TNRC6B: variants seen among roughly 807,000 people sequenced by gnomAD.
TNRC6B encodes trinucleotide repeat-containing gene 6B protein.
A neutral mutation model predicts 203.6 loss-of-function variants in TNRC6B; 52 were observed. The observed-to-expected ratio is 0.26, with a 90% CI of 0.20 to 0.32. TNRC6B has a LOEUF of 0.32. TNRC6B is among the 10% of genes least tolerant of loss of function. TNRC6B has a pLI of 1.00. For synonymous variants in TNRC6B, 838 were observed against 845.7 expected (o/e 0.99, Z 0.16); for missense variants, 1,923 against 2,286.2 (o/e 0.84, Z 3.24).
At chr22:40,220,977 C>G (rs2069699760) in intron 1 of TNRC6B, among the ~76,000 whole-genome samples, 1 of 152,196 alleles carries the variant, frequency 6.6e-6, no homozygotes, top group Non-Finnish European at 1.5e-5. Context: ...CAAAGCCCCG[C>G]CTCACATGCC....
At chr22:40,214,906 T>C (rs1019463255) in intron 1 of TNRC6B, among the ~76,000 whole-genome samples, 1 of 152,186 alleles carries the variant, frequency 6.6e-6, no homozygotes, top group Non-Finnish European at 1.5e-5. Flanking sequence ...CTCAAAAAGT[T>C]AAAAGCAAAC....
chr22:40,310,633 A>G (rs1212715241), intron 16 of TNRC6B, among the ~76,000 whole-genome samples, 184 bp from the exon 17 acceptor site: 1 of 152,146 alleles, frequency 6.6e-6, no homozygotes, highest in East Asian at 1.9e-4. Flanking sequence ...AGGCGAAATG[A>G]CTTGTTGTTG....
At chr22:40,165,329 AC>A (rs1342946724) in intron 4 of TNRC6B, among the ~76,000 whole-genome samples, 2 of 151,616 alleles carry the variant, frequency 1.3e-5, no homozygotes, top group African/African-American at 2.4e-5. Flanking sequence ...GGCACGCACT[AC>A]CATGCCTGGC....
At chr22:40,166,126 A>G (rs2068917214) in intron 4 of TNRC6B, among the ~76,000 whole-genome samples, 1 of 152,156 alleles carries the variant, frequency 6.6e-6, no homozygotes, top group African/African-American at 2.4e-5. Context: ...AAGGTCTTCC[A>G]TGCAAGTCTG....
At chr22:40,163,737 G>A (rs533311499) in intron 4 of TNRC6B, among the ~76,000 whole-genome samples, 1 of 151,900 alleles carries the variant, frequency 6.6e-6, no homozygotes, top group South Asian at 2.1e-4. Flanking sequence ...ATCCAGCCTG[G>A]GCAACAAGAG....
intron 1 of TNRC6B, among the ~76,000 whole-genome samples, chr22:40,078,188 C>T (rs1199942799): frequency 6.6e-6 from 1 of 152,172 alleles, no homozygotes; most frequent in Non-Finnish European, 1.5e-5. Context: ...TACTGTACTA[C>T]TGGAAGACTT....
chr22:40,294,585 G>T (rs1320830092), intron 12 of TNRC6B, among the ~76,000 whole-genome samples: 1 of 152,206 alleles, frequency 6.6e-6, no homozygotes, highest in East Asian at 1.9e-4. Context: ...ACCAAATACA[G>T]TCGCTAACTG....
In TNRC6B at chr22:40,270,115, T is replaced by C. The variant is rs753115494; in HGVS notation, c.2807-7T>C. 9 of 1,578,698 alleles carry C rather than the reference T, an allele frequency of 5.7e-6. No individual in the cohort carries two copies. The highest frequency in any genetic ancestry group is 7.7e-6 in the Non-Finnish European group (9 of 1,161,384). ...ATGATTCTTAGAGACATTTCCTTTC[T>C]TTATAGTCTGGAGCAAAAGCACACC... is the stretch of plus-strand genomic sequence containing the variant. On this transcript the variant is annotated splice_polypyrimidine_tract_variant and splice_region_variant and intron_variant, in intron 5 of 22. Transcript: ENST00000454349.
chr22:40,280,458 T>A (rs1175468912), intron 10 of TNRC6B, among the ~76,000 whole-genome samples: 1 of 152,258 alleles, frequency 6.6e-6, no homozygotes, highest in Non-Finnish European at 1.5e-5. Flanking sequence ...CAAAATAAAT[T>A]TTGGGATTTT....
chr22:40,316,804 A>G (rs2071265725), intron 21 of TNRC6B, among the ~76,000 whole-genome samples: 1 of 152,180 alleles, frequency 6.6e-6, no homozygotes, highest in African/African-American at 2.4e-5. Flanking sequence ...TGCCTTCAAG[A>G]TGATGATAAC....
intron 1 of TNRC6B, among the ~76,000 whole-genome samples, chr22:40,223,927 G>A (rs1416649131): frequency 6.6e-6 from 1 of 152,140 alleles, no homozygotes; most frequent in African/African-American, 2.4e-5. Context: ...TTGGACACAA[G>A]GTAACTGTGT....
chr22:40,313,037 T>G, intron 19 of TNRC6B, 40 bp downstream of exon 19: 1 of 1,504,134 alleles, frequency 6.6e-7, no homozygotes, highest in Non-Finnish European at 9.2e-7. Flanking sequence ...GGTTAGCACT[T>G]TTTCATCAGG....
chr22:40,060,914 T>C (rs1239915863), intron 1 of TNRC6B, among the ~76,000 whole-genome samples: 1 of 152,156 alleles, frequency 6.6e-6, no homozygotes, highest in East Asian at 1.9e-4. Context: ...AAAACAGGTG[T>C]TCTGCATGAA....
At chr22:40,049,656 T>A (rs1426597335) in intron 1 of TNRC6B, among the ~76,000 whole-genome samples, 2 of 151,978 alleles carry the variant, frequency 1.3e-5, no homozygotes, top group Non-Finnish European at 2.9e-5. Context: ...CAGGCTAGAG[T>A]GCAGTGGTGT....
At position 40,285,604 on chromosome 22, in the gene TNRC6B, TATGTTAACAAAAAGCCTTACTG is replaced by T; in HGVS notation, c.3583-40_3583-19del. 6.3e-7 allele frequency: 1 copy of T among 1,594,668 alleles called. No homozygotes were observed. Among genetic ancestry groups the T allele is most frequent in the Admixed American group, 1.8e-5 (1 of 54,572 alleles). ...GAACTGTTTCTTACTTGCATTTTCT[TATGTTAACAAAAAGCCTTACTG>T]CTGCTTTTCTGTTTACAGGGCGGTA... On this transcript the variant is annotated intron_variant, in intron 11 of 22. Coordinates refer to ENST00000454349, the MANE Select transcript of TNRC6B (RefSeq NM_001162501.2).
At chr22:40,186,300 G>T (rs1196185195) in intron 1 of TNRC6B, among the ~76,000 whole-genome samples, 1 of 152,142 alleles carries the variant, frequency 6.6e-6, no homozygotes, top group Non-Finnish European at 1.5e-5. Flanking sequence ...AGGAAGAAAA[G>T]TATTTGGTTA....
chr22:40,303,583 T>C (rs1438708769), intron 15 of TNRC6B, among the ~76,000 whole-genome samples: 1 of 152,160 alleles, frequency 6.6e-6, no homozygotes, highest in African/African-American at 2.4e-5. Flanking sequence ...ATAATCTGCC[T>C]TATAAGATAG....
rs183255958 is a variant in TNRC6B, at chr22:40,216,862, G to A, written c.6-29153G>A. Among the ~76,000 whole-genome samples, 63 of 152,236 alleles carry A rather than the reference G, an allele frequency of 4.1e-4. 1 individual carries two copies. Among genetic ancestry groups the A allele is most frequent in the Middle Eastern group, 3.4e-3 (1 of 294 alleles). ...CAGTTGAAACCTAATTCTCATAGTG[G>A]TTTCTGTATTACCACCCCTCCTTAA... On this transcript the variant is annotated intron_variant, in intron 1 of 22. Coordinates refer to ENST00000454349, the MANE Select transcript of TNRC6B (RefSeq NM_001162501.2).
chr22:40,300,079 T>G (rs2071002038), intron 12 of TNRC6B, among the ~76,000 whole-genome samples: 1 of 152,268 alleles, frequency 6.6e-6, no homozygotes, highest in Admixed American at 6.5e-5. Flanking sequence ...CACGTAAGTA[T>G]TATTTATTAG....
Sources: allele counts gnomAD v4.1 joint callset (sites outside exome capture counted in the v4.1 genomes callset), GRCh38; gene constraint gnomAD v4.1.1; transcripts MANE v1.5; gene names NCBI Gene and HGNC (gene_info 2026-07-23, HGNC 2026-07-21).